ENOX2: variants seen among roughly 807,000 people sequenced by gnomAD.
The protein encoded by ENOX2 is ecto-NOX disulfide-thiol exchanger 2.
A neutral mutation model predicts 45.0 loss-of-function variants in ENOX2; 36 were observed. The observed-to-expected ratio is 0.80, with a 90% CI of 0.61 to 1.06. The LOEUF is 1.06. ENOX2 is among the 50% of genes least tolerant of loss of function. ENOX2 has a pLI of 0.00. For synonymous variants in ENOX2, 174 were observed against 152.3 expected (o/e 1.14, Z -1.05); for missense variants, 423 against 462.5 (o/e 0.91, Z 0.78).
intron 2 of ENOX2, among the ~76,000 whole-genome samples, chrX:130,890,817 T>C (rs2078972758): frequency 8.9e-6 from 1 of 112,933 alleles, no homozygotes; most frequent in Non-Finnish European, 1.9e-5. Flanking sequence ...TTTTCTTCAC[T>C]GTTTGATCTT....
intron 3 of ENOX2, among the ~76,000 whole-genome samples, chrX:130,731,351 A>C (rs2038734302): frequency 8.9e-6 from 1 of 112,381 alleles, no homozygotes; most frequent in South Asian, 3.7e-4. Context: ...CTGTTGCCTT[A>C]TTCTCTTTTG....
intron 2 of ENOX2, among the ~76,000 whole-genome samples, chrX:130,839,268 T>C (rs2077975273): frequency 8.9e-6 from 1 of 111,779 alleles, no homozygotes; most frequent in Non-Finnish European, 1.9e-5. Flanking sequence ...GCCCTATCTA[T>C]GCCACTAACC....
chrX:130,792,290 T>C (rs903794066), intron 2 of ENOX2, among the ~76,000 whole-genome samples: 1 of 111,672 alleles, frequency 9.0e-6, no homozygotes, highest in Non-Finnish European at 1.9e-5. Flanking sequence ...TCAAGACAAA[T>C]AACTAAAGGG....
intron 2 of ENOX2, among the ~76,000 whole-genome samples, chrX:130,839,326 G>A (rs1250569871): frequency 3.6e-5 from 4 of 111,072 alleles, no homozygotes; most frequent in Admixed American, 9.6e-5. Flanking sequence ...TTTGGATCAC[G>A]GTTTCCTCAT....
chrX:130,645,638 C>G (rs754380620), intron 10 of ENOX2: 35 of 417,670 alleles, frequency 8.4e-5, no homozygotes, highest in Non-Finnish European at 1.3e-4. Flanking sequence ...CCGCGCCCGC[C>G]TGGAGGGATG....
intron 2 of ENOX2, among the ~76,000 whole-genome samples, chrX:130,841,180 G>T (rs1168579381): frequency 9.0e-6 from 1 of 111,381 alleles, no homozygotes; most frequent in Non-Finnish European, 1.9e-5. Context: ...TTGCAGGGTG[G>T]GAGTTACTGT....
intron 11 of ENOX2, among the ~76,000 whole-genome samples, chrX:130,636,585 C>A (rs995095820): frequency 8.9e-6 from 1 of 112,450 alleles, no homozygotes; most frequent in Non-Finnish European, 1.9e-5. Context: ...ACGTAAAACT[C>A]CTAGATGTTG....
intron 6 of ENOX2, among the ~76,000 whole-genome samples, chrX:130,677,104 C>T (rs1389182002): frequency 8.9e-6 from 1 of 111,873 alleles, no homozygotes; most frequent in Non-Finnish European, 1.9e-5. Context: ...CCATTGTCCA[C>T]AAGCAAATGT....
intron 2 of ENOX2, among the ~76,000 whole-genome samples, chrX:130,896,565 C>A (rs1211394200): frequency 8.9e-6 from 1 of 111,777 alleles, no homozygotes; most frequent in Non-Finnish European, 1.9e-5. Context: ...TTATGAGTAT[C>A]TAGTGCAGTG....
At chrX:130,666,940 T>G (rs1201647385) in intron 8 of ENOX2, among the ~76,000 whole-genome samples, 1 of 112,401 alleles carries the variant, frequency 8.9e-6, no homozygotes, top group African/African-American at 3.2e-5. Context: ...CTGGCTCATT[T>G]CAGAGACCTT....
chrX:130,702,942 A>G (rs1187746867), intron 4 of ENOX2, among the ~76,000 whole-genome samples, 178 bp downstream of exon 4: 1 of 112,143 alleles, frequency 8.9e-6, no homozygotes. Flanking sequence ...CAAAGTGCAA[A>G]ACGGAGTATA....
At chrX:130,893,703 G>A (rs1477517202) in intron 2 of ENOX2, among the ~76,000 whole-genome samples, 1 of 112,270 alleles carries the variant, frequency 8.9e-6, no homozygotes, top group Non-Finnish European at 1.9e-5. Context: ...CCTTCAACAT[G>A]CATTTGTTTT....
chrX:130,799,880 CA>C (rs1250640406), intron 2 of ENOX2, among the ~76,000 whole-genome samples: 1 of 109,116 alleles, frequency 9.2e-6, no homozygotes, highest in African/African-American at 3.3e-5. Context: ...GGCACCCCCC[CA>C]AAAAATTAAA....
At chrX:130,645,404 C>A (rs1041902382) in intron 10 of ENOX2, among the ~76,000 whole-genome samples, 7 of 111,973 alleles carry the variant, frequency 6.3e-5, no homozygotes, top group African/African-American at 2.3e-4. Flanking sequence ...AGGTCAATAA[C>A]ACTAGTTTCA....
At chrX:130,676,089 T>G (rs2148143588) in intron 6 of ENOX2, among the ~76,000 whole-genome samples, 1 of 111,892 alleles carries the variant, frequency 8.9e-6, no homozygotes, top group Non-Finnish European at 1.9e-5. Flanking sequence ...TTTGATCATC[T>G]GAGCCATCAG....
At chrX:130,882,993 A>G (rs2078843484) in intron 2 of ENOX2, among the ~76,000 whole-genome samples, 1 of 112,585 alleles carries the variant, frequency 8.9e-6, no homozygotes, top group South Asian at 3.6e-4. Context: ...TGGAAATACT[A>G]CTGTCTACCT....
At chrX:130,891,175 TTAAA>T (rs1051575164) in intron 2 of ENOX2, among the ~76,000 whole-genome samples, 4 of 110,763 alleles carry the variant, frequency 3.6e-5, no homozygotes, top group East Asian at 2.8e-4. Flanking sequence ...ATCCCACCTC[TTAAA>T]TAAATAAATA....
At chrX:130,866,817 G>A (rs914965943) in intron 2 of ENOX2, among the ~76,000 whole-genome samples, 21 of 109,870 alleles carry the variant, frequency 1.9e-4, no homozygotes, top group Middle Eastern at 4.3e-3. Context: ...TAGAATTCTA[G>A]GCTACTTAAC....
chrX:130,796,492 C>A, intron 2 of ENOX2, among the ~76,000 whole-genome samples: 1 of 111,934 alleles, frequency 8.9e-6, no homozygotes, highest in Non-Finnish European at 1.9e-5. Flanking sequence ...GTATTCTTAA[C>A]AAAGCTTGTC....
Sources: gnomAD v4.1 joint callset for allele counts (sites outside exome capture counted in the v4.1 genomes callset) on GRCh38, gnomAD v4.1.1 for gene constraint, MANE v1.5 for transcripts, NCBI Gene and HGNC (gene_info 2026-07-23, HGNC 2026-07-21) for gene names.